AGPAT4: variants seen among roughly 807,000 people sequenced by gnomAD.
AGPAT4 encodes 1-acyl-sn-glycerol-3-phosphate acyltransferase delta.
AGPAT4 carries 15 observed loss-of-function variants against 48.0 expected under a neutral mutation model. The ratio of observed to expected loss-of-function variants is 0.31; its 90% CI spans 0.21 to 0.48. AGPAT4 has a LOEUF of 0.48. Ranked by LOEUF, AGPAT4 falls within the 20% of genes least tolerant of loss-of-function variation. AGPAT4 has a pLI of 0.99. For synonymous variants in AGPAT4, 178 were observed against 198.7 expected (o/e 0.90, Z 0.88); for missense variants, 314 against 482.5 (o/e 0.65, Z 3.27).
In AGPAT4 at chr6:161,133,139, A is replaced by G. The variant is rs1389973252; in HGVS notation, c.*3401T>C. On this transcript the variant is annotated 3_prime_UTR_variant, in exon 9 of 9. Coordinates refer to ENST00000320285, the MANE Select transcript of AGPAT4 (RefSeq NM_020133.3). ...TACCTTGCTTCACACTTTGGTCAATATTTATGAATAAGTTCTAAAGCCTAT... is the reference window on the plus strand; with the variant it reads ...TACCTTGCTTCACACTTTGGTCAATGTTTATGAATAAGTTCTAAAGCCTAT... 1 of 152,204 alleles carries G rather than the reference A, an allele frequency of 6.6e-6. No individual in the cohort carries two copies. Among genetic ancestry groups the G allele is most frequent in the African/African-American group, 2.4e-5 (1 of 41,434 alleles). The allele number at this position is 152,204 out of a possible 1,614,324, so 9.4% of individuals were successfully genotyped here. A position where few individuals can be genotyped will look rare whatever the true frequency, so the allele number is the denominator to read the frequency against.
rs1428560983 is a variant in AGPAT4 at position 161,219,843 on chromosome 6, A to ATAGATAGG, written c.178+12192_178+12193insCCTATCTA. ...TAGACAGAGATAGATAGATAGATAG[A>ATAGATAGG]TAGATAGATAGATAGATAGATAGAT... On this transcript the variant is annotated intron_variant, in intron 2 of 8. Coordinates refer to ENST00000320285, the MANE Select transcript of AGPAT4 (RefSeq NM_020133.3). This position sits in a 1 kb window ranked among gnomAD's most constrained non-coding sequence, Gnocchi z 4.9. Among the ~76,000 whole-genome samples, 15 of 111,054 alleles carry ATAGATAGG rather than the reference A, an allele frequency of 1.4e-4. No homozygotes were observed. The highest frequency in any genetic ancestry group is 5.3e-4 in the African/African-American group (14 of 26,212). 72.9% of individuals were successfully genotyped at this position (111,054 alleles called of 152,430 possible).
At position 161,143,111 on chromosome 6, in the gene AGPAT4, T is replaced by TA. The variant is rs2114955249; in HGVS notation, c.843+3412_843+3413insT. 6.6e-6 allele frequency among the ~76,000 whole-genome samples: 1 copy of TA among 152,342 alleles called. No individual in the cohort carries two copies. Among genetic ancestry groups the TA allele is most frequent in the South Asian group, 2.1e-4 (1 of 4,820 alleles). ...CTTTAGAGACAGGGTCTTGCTCTGC[T>TA]GCCCAGGCTGGAGTGCAGTGGTGCA... is the stretch of plus-strand genomic sequence containing the variant. On this transcript the variant is annotated intron_variant, in intron 7 of 8. Transcript: ENST00000320285. This position sits in a 1 kb window ranked among gnomAD's most constrained non-coding sequence, Gnocchi z 4.7.
chr6:161,228,569 C>T (rs1207910980), intron 2 of AGPAT4, among the ~76,000 whole-genome samples: 2 of 132,594 alleles, frequency 1.5e-5, no homozygotes, highest in South Asian at 2.3e-4. Context: ...CCTTCCCACC[C>T]CCTGCCTTTT....
In AGPAT4 at chr6:161,262,714, C is replaced by T. The variant is rs1053817722; in HGVS notation, c.-90+11224G>A. Among the ~76,000 whole-genome samples the T allele has an allele frequency of 6.6e-6, 1 of 152,122 alleles. No individual in the cohort carries two copies. Among genetic ancestry groups the T allele is most frequent in the Non-Finnish European group, 1.5e-5 (1 of 68,028 alleles). On this transcript the variant is annotated intron_variant, in intron 1 of 8. Transcript: ENST00000320285. The surrounding 1 kb of genome is among the most constrained non-coding windows in gnomAD (Gnocchi z 4.9). The stretch of plus-strand genomic sequence containing the variant: ...CTTCAGTCCCACGGGGGAGTGAGAC[C>T]CTCATAGTGAGGGGCACCCTTTGGG...
chr6:161,185,404 C>T (rs1320431716), intron 2 of AGPAT4, among the ~76,000 whole-genome samples: 3 of 151,658 alleles, frequency 2.0e-5, no homozygotes, highest in South Asian at 2.1e-4. Flanking sequence ...GATTCTCCTG[C>T]CTGAGCCTCC....
At position 161,198,329 on chromosome 6, in the gene AGPAT4, G is replaced by A. The variant is rs113355783; in HGVS notation, c.179-31912C>T. On this transcript the variant is annotated intron_variant, in intron 2 of 8. Transcript: ENST00000320285. This position sits in a 1 kb window ranked among gnomAD's most constrained non-coding sequence, Gnocchi z 4.3. ...GTGATTTCACAATCCCCTCTCCTCCGGGGCATTTGGCAATGTCTGGAGACA... is the reference window on the plus strand; with the variant it reads ...GTGATTTCACAATCCCCTCTCCTCCAGGGCATTTGGCAATGTCTGGAGACA... Among the ~76,000 whole-genome samples the A allele has an allele frequency of 7.9e-5, 12 of 152,238 alleles. No individual in the cohort carries two copies. Among genetic ancestry groups the A allele is most frequent in the African/African-American group, 2.9e-4 (12 of 41,540 alleles).
At position 161,159,457 on chromosome 6, in the gene AGPAT4, C is replaced by T. The variant is rs1324700131; in HGVS notation, c.349-5147G>A. On this transcript the variant is annotated intron_variant, in intron 3 of 8. Coordinates refer to ENST00000320285, the MANE Select transcript of AGPAT4 (RefSeq NM_020133.3). The surrounding 1 kb of genome is among the most constrained non-coding windows in gnomAD (Gnocchi z 4.1). ...GTTCCACTTCTGCCACTAAACTCTG[C>T]CAGTAAGTTGTTGTACAGACCCCTT... Among the ~76,000 whole-genome samples the T allele has an allele frequency of 1.3e-5, 2 of 152,130 alleles. No homozygotes were observed. Among genetic ancestry groups the T allele is most frequent in the African/African-American group, 2.4e-5 (1 of 41,414 alleles).
In AGPAT4 at chr6:161,254,298, G is replaced by A. The variant is rs1331712253; in HGVS notation, c.-90+19640C>T. On this transcript the variant is annotated intron_variant, in intron 1 of 8. Coordinates refer to ENST00000320285, the MANE Select transcript of AGPAT4 (RefSeq NM_020133.3). The surrounding 1 kb of genome is among the most constrained non-coding windows in gnomAD (Gnocchi z 5.9). ...ACAGCTAAGAAAATAGAGGCTCAGG[G>A]AAGTCATGACTTATTTTCTTTGGTC... Among the ~76,000 whole-genome samples the A allele has an allele frequency of 1.3e-5, 2 of 152,152 alleles. No individual in the cohort carries two copies. The highest frequency in any genetic ancestry group is 1.9e-4 in the East Asian group (1 of 5,188).
rs1778876009 is a variant in AGPAT4 at position 161,130,787 on chromosome 6, G to A, written c.*5753C>T. 1 of 509,400 alleles carries A rather than the reference G, an allele frequency of 2.0e-6. No individual in the cohort carries two copies. Among genetic ancestry groups the A allele is most frequent in the Admixed American group, 1.9e-5 (1 of 51,330 alleles). 31.6% of individuals were successfully genotyped at this position (509,400 alleles called of 1,614,324 possible). On this transcript the variant is annotated 3_prime_UTR_variant, in exon 9 of 9. Coordinates refer to ENST00000320285, the MANE Select transcript of AGPAT4 (RefSeq NM_020133.3). Reference sequence around the variant, plus strand: ...GAGGCCATGCCATTGCTACCCGGAAGCTGGCTCTGCAGCGTTGTGACTTAG... The same window carrying A: ...GAGGCCATGCCATTGCTACCCGGAAACTGGCTCTGCAGCGTTGTGACTTAG...
chr6:161,269,425 A>G lies in AGPAT4; in HGVS notation c.-90+4513T>C, dbSNP rs1285369060. ...TATGCTGTGTGTGAACAATTTATAA[A>G]ATTGTTCAATGAAAGAAGTATCCTG... On this transcript the variant is annotated intron_variant, in intron 1 of 8. Coordinates refer to ENST00000320285, the MANE Select transcript of AGPAT4 (RefSeq NM_020133.3). 2.2e-4 allele frequency among the ~76,000 whole-genome samples: 34 copies of G among 152,252 alleles called. 1 individual carries two copies. The highest frequency in any genetic ancestry group is 2.2e-3 in the Admixed American group (34 of 15,290).
In AGPAT4 at chr6:161,154,135, T is replaced by C. The variant is rs774789016; in HGVS notation, c.510+14A>G. 5.0e-6 allele frequency: 8 copies of C among 1,613,948 alleles called. No individual in the cohort carries two copies. In the African/African-American group the frequency reaches 1.1e-4, roughly 22 times the overall value. ...AGGAGCCCTTGGGACACAGCTGCTC[T>C]GGTGCCTACATACAAAATACTTCTC... On this transcript the variant is annotated intron_variant, in intron 4 of 8. Transcript: ENST00000320285. This position sits in a 1 kb window ranked among gnomAD's most constrained non-coding sequence, Gnocchi z 7.8.
In AGPAT4 at chr6:161,180,364, C is replaced by T. The variant is rs1780548866; in HGVS notation, c.179-13947G>A. On this transcript the variant is annotated intron_variant, in intron 2 of 8. Transcript: ENST00000320285. The surrounding 1 kb of genome is among the most constrained non-coding windows in gnomAD (Gnocchi z 6.4). ...GACCCTGTAGGAAAGACCTCACAAT[C>T]CAAACACTGCTGATGGGAGCCTTGA... 6.6e-6 allele frequency among the ~76,000 whole-genome samples: 1 copy of T among 152,168 alleles called. No individual in the cohort carries two copies. Among genetic ancestry groups the T allele is most frequent in the Admixed American group, 6.5e-5 (1 of 15,278 alleles).
chr6:161,156,676 G>A (rs1779777423), intron 3 of AGPAT4, among the ~76,000 whole-genome samples: 1 of 152,180 alleles, frequency 6.6e-6, no homozygotes, highest in African/African-American at 2.4e-5. Context: ...CCATAAACTG[G>A]CCCCAAAACT....
Position 161,149,863 on chromosome 6 carries a change from C to T in AGPAT4, c.665-574G>A, listed in dbSNP as rs1779537585. Among the ~76,000 whole-genome samples, 1 of 152,158 alleles carries T rather than the reference C, an allele frequency of 6.6e-6. No homozygotes were observed. Among genetic ancestry groups the T allele is most frequent in the African/African-American group, 2.4e-5 (1 of 41,428 alleles). On this transcript the variant is annotated intron_variant, in intron 5 of 8. Transcript: ENST00000320285. The surrounding 1 kb of genome is among the most constrained non-coding windows in gnomAD (Gnocchi z 6.5). The stretch of plus-strand genomic sequence containing the variant: ...AGCCCAGATCACTTTTAAAGCAATA[C>T]TGCAAAGTCAGGTCTAGAGGTACTA...
Position 161,243,606 on chromosome 6 carries a change from C to G in AGPAT4, c.-89-11304G>C, listed in dbSNP as rs564962591. 1.3e-5 allele frequency among the ~76,000 whole-genome samples: 2 copies of G among 152,146 alleles called. No individual in the cohort carries two copies. On this transcript the variant is annotated intron_variant, in intron 1 of 8. Transcript: ENST00000320285. This position sits in a 1 kb window ranked among gnomAD's most constrained non-coding sequence, Gnocchi z 4.8. ...GGAGGTGAAATTCCCTGCCTCCCAC[C>G]GTGCTGTAACAATTACACACAGGAA...
chr6:161,177,313 C>T lies in AGPAT4; in HGVS notation c.179-10896G>A, dbSNP rs1402738145. Among the ~76,000 whole-genome samples, 1 of 152,142 alleles carries T rather than the reference C, an allele frequency of 6.6e-6. No individual in the cohort carries two copies. Among genetic ancestry groups the T allele is most frequent in the Admixed American group, 6.5e-5 (1 of 15,272 alleles). On this transcript the variant is annotated intron_variant, in intron 2 of 8. Transcript: ENST00000320285. The surrounding 1 kb of genome is among the most constrained non-coding windows in gnomAD (Gnocchi z 5.0). The stretch of plus-strand genomic sequence containing the variant: ...GTAGATTTGGTCTTTTCACATAGTC[C>T]CATATTTCTTGGAGGCTTTGTTTGT...
At chr6:161,248,953 T>C (rs759482175) in intron 1 of AGPAT4, among the ~76,000 whole-genome samples, 2 of 152,096 alleles carry the variant, frequency 1.3e-5, no homozygotes, top group African/African-American at 2.4e-5. Flanking sequence ...GGCATGGTAC[T>C]GAACAAAAAC....
intron 2 of AGPAT4, among the ~76,000 whole-genome samples, chr6:161,182,236 C>G (rs9365257): frequency 7.8e-6 from 1 of 128,158 alleles, no homozygotes; most frequent in African/African-American, 3.3e-5. Context: ...ATCCCCTCAT[C>G]CCCGCACCTC....
At position 161,238,910 on chromosome 6, in the gene AGPAT4, T is replaced by G. The variant is rs892353508; in HGVS notation, c.-89-6608A>C. On this transcript the variant is annotated intron_variant, in intron 1 of 8. Transcript: ENST00000320285. The surrounding 1 kb of genome is among the most constrained non-coding windows in gnomAD (Gnocchi z 5.2). ...TTCCCCTTCTGCCATGATTGTAAGT[T>G]TCCTGAGGCCTCTCCAGCCCTGCAG... 5.9e-5 allele frequency among the ~76,000 whole-genome samples: 9 copies of G among 152,234 alleles called. No individual in the cohort carries two copies. The highest frequency in any genetic ancestry group is 2.2e-4 in the African/African-American group (9 of 41,458).
Sources: allele counts gnomAD v4.1 joint callset (sites outside exome capture counted in the v4.1 genomes callset), GRCh38; gene constraint gnomAD v4.1.1; non-coding constraint Gnocchi (gnomAD v3.1); transcripts MANE v1.5; gene names NCBI Gene and HGNC (gene_info 2026-07-23, HGNC 2026-07-21).